Variants in RIMKLB observed in about 807,000 individuals in gnomAD.
RIMKLB encodes ribosomal modification protein rimK like family member B.
RIMKLB carries 7 observed loss-of-function variants against 32.0 expected under a neutral mutation model. That is an observed-to-expected ratio of 0.22 (90% CI 0.12 to 0.41). The LOEUF (loss-of-function observed/expected upper bound fraction) is 0.41. Among genes scored for constraint, RIMKLB ranks in the 10% least tolerant of loss-of-function variants. The pLI is 1.00. For synonymous variants in RIMKLB, 172 were observed against 185.1 expected, an observed-to-expected ratio of 0.93 and a Z score of 0.57; for missense variants, 289 against 498.7, an observed-to-expected ratio of 0.58 and a Z score of 4.00.
At chr12:8,684,266 C>T (rs762765049) in intron 1 of RIMKLB, among the ~76,000 whole-genome samples, 45 of 151,678 alleles carry the variant, frequency 3.0e-4, no homozygotes, top group African/African-American at 9.7e-4. Flanking sequence ...CTCTGCCTCC[C>T]GGTTCAAGCG....
At chr12:8,717,932 C>T (rs986946489) in intron 2 of RIMKLB, among the ~76,000 whole-genome samples, 12 of 152,112 alleles carry the variant, frequency 7.9e-5, no homozygotes, top group African/African-American at 2.2e-4. Flanking sequence ...TTTAAAATAA[C>T]GAATAATGTA....
the RIMKLB span, among the ~76,000 whole-genome samples, chr12:8,676,468 G>A: frequency 1.5e-5 from 2 of 129,782 alleles, no homozygotes; most frequent in Admixed American, 1.9e-4. Context: ...GCATAATCTC[G>A]GCTCACTGCA....
At chr12:8,703,364 C>A (rs1943571854) in intron 1 of RIMKLB, among the ~76,000 whole-genome samples, 1 of 152,144 alleles carries the variant, frequency 6.6e-6, no homozygotes, top group African/African-American at 2.4e-5. Flanking sequence ...TTTGCTTTGT[C>A]ACCCAGGCTG....
intron 1 of RIMKLB, among the ~76,000 whole-genome samples, chr12:8,709,182 A>C (rs1351093968): frequency 6.6e-6 from 1 of 152,136 alleles, no homozygotes; most frequent in Admixed American, 6.6e-5. Context: ...TTGCCATTTT[A>C]TTTTATAGAG....
chr12:8,704,105 C>G (rs1288195578), intron 1 of RIMKLB, among the ~76,000 whole-genome samples: 2 of 152,226 alleles, frequency 1.3e-5, no homozygotes, highest in East Asian at 3.9e-4. Flanking sequence ...TTTTATGGGT[C>G]GGACGTGGTG....
intron 5 of RIMKLB, among the ~76,000 whole-genome samples, chr12:8,762,087 G>C (rs1435237094): frequency 6.6e-6 from 1 of 152,182 alleles, no homozygotes; most frequent in Non-Finnish European, 1.5e-5. Context: ...GGTGGTGAAA[G>C]TGGGGTTTCC....
the RIMKLB span, among the ~76,000 whole-genome samples, chr12:8,671,519 G>A: frequency 6.6e-6 from 1 of 151,980 alleles, no homozygotes; most frequent in Non-Finnish European, 1.5e-5. Context: ...CAGCGTGCTG[G>A]GATTACAGGT....
At chr12:8,724,170 A>G (rs1945756972) in intron 2 of RIMKLB, among the ~76,000 whole-genome samples, 1 of 151,912 alleles carries the variant, frequency 6.6e-6, no homozygotes, top group African/African-American at 2.4e-5. Context: ...TGACTTGGTA[A>G]TTTTGGATGG....
At chr12:8,737,985 A>G (rs778032008) in intron 2 of RIMKLB, among the ~76,000 whole-genome samples, 37 of 152,264 alleles carry the variant, frequency 2.4e-4, no homozygotes, top group African/African-American at 8.4e-4. Flanking sequence ...AAGTGCTAGG[A>G]TTACAGGTGT....
intron 1 of RIMKLB, among the ~76,000 whole-genome samples, chr12:8,709,289 T>A (rs1334321319): frequency 1.3e-5 from 2 of 152,274 alleles, no homozygotes; most frequent in African/African-American, 4.8e-5. Context: ...TTTGAGCTCC[T>A]GTACTATTTA....
chr12:8,708,401 C>T (rs1048085458), intron 1 of RIMKLB, among the ~76,000 whole-genome samples: 3 of 151,974 alleles, frequency 2.0e-5, no homozygotes, highest in Non-Finnish European at 4.4e-5. Flanking sequence ...TTCTTTTATT[C>T]TGTGATGTAA....
chr12:8,699,262 AT>A (rs199852484), intron 1 of RIMKLB, among the ~76,000 whole-genome samples: 1 of 151,380 alleles, frequency 6.6e-6, no homozygotes, highest in Admixed American at 6.6e-5. Flanking sequence ...TACTATGCAG[AT>A]TTTTTTTTGT....
the RIMKLB span, among the ~76,000 whole-genome samples, chr12:8,672,289 G>A: frequency 6.6e-6 from 1 of 152,142 alleles, no homozygotes. Context: ...ATCTCTGCCT[G>A]TTACCCAGTT....
intron 1 of RIMKLB, among the ~76,000 whole-genome samples, chr12:8,706,744 A>G (rs11046872): frequency 0.082 from 12,374 of 151,756 alleles, 1,697 homozygotes; most frequent in African/African-American, 0.28. Context: ...ATGAACCACC[A>G]TGCCTGTCCT....
chr12:8,772,819 C>G (rs1314160146), intron 5 of RIMKLB, among the ~76,000 whole-genome samples: 4 of 152,180 alleles, frequency 2.6e-5, no homozygotes, highest in Non-Finnish European at 5.9e-5. Context: ...TTTGGCAAGG[C>G]CAAAGACTTC....
Position 8,776,672 on chromosome 12 carries a change from G to GT in RIMKLB, c.*2895dup, listed in dbSNP as rs1592043373. The GT allele has an allele frequency of 1.0e-6, 1 of 979,038 alleles. No homozygotes were observed. The highest frequency in any genetic ancestry group is 1.8e-5 in the African/African-American group (1 of 56,984). The allele number at this position is 979,038 out of a possible 1,614,324, so 60.6% of individuals were successfully genotyped here. A position where few individuals can be genotyped will look rare whatever the true frequency, so the allele number is the denominator to read the frequency against. On this transcript the variant is annotated 3_prime_UTR_variant, in exon 6 of 6. Transcript: ENST00000535829. ...ACTATTCTATTTAAAATTTTTAATA[G>GT]TTTTTTTCTTTTTTGGTGCCTATAA...
At chr12:8,690,410 A>G (rs764273588) in intron 1 of RIMKLB, among the ~76,000 whole-genome samples, 2 of 152,298 alleles carry the variant, frequency 1.3e-5, no homozygotes, top group South Asian at 4.1e-4. Flanking sequence ...CCCAAACAGC[A>G]GGCATTGATA....
intron 2 of RIMKLB, among the ~76,000 whole-genome samples, chr12:8,723,804 CTTTTTTT>C (rs35269536): frequency 2.4e-4 from 18 of 75,520 alleles, no homozygotes; most frequent in African/African-American, 6.4e-4. Context: ...CTTCAGTTCC[CTTTTTTT>C]TTTTTTTTTT....
At chr12:8,769,082 A>AGGT (rs111785342) in intron 5 of RIMKLB, among the ~76,000 whole-genome samples, 4,994 of 152,252 alleles carry the variant, frequency 0.033, 271 homozygotes, top group African/African-American at 0.11. Flanking sequence ...CAGTGTTGGA[A>AGGT]GGTATTAATA....
Sources: gnomAD v4.1 joint callset for allele counts (sites outside exome capture counted in the v4.1 genomes callset) on GRCh38, gnomAD v4.1.1 for gene constraint, MANE v1.5 for transcripts, NCBI Gene and HGNC (gene_info 2026-07-23, HGNC 2026-07-21) for gene names.